Variants in ECI1 observed in about 807,000 individuals in gnomAD.
The protein encoded by ECI1 is enoyl-CoA delta isomerase 1, mitochondrial.
A neutral mutation model predicts 34.2 loss-of-function variants in ECI1; 34 were observed. That is an observed-to-expected ratio of 1.00 (90% CI 0.76 to 1.33). The LOEUF is 1.33. Among genes scored for constraint, ECI1 ranks in the 40% most tolerant of loss-of-function variants. ECI1 has a pLI of 0.00. For missense variants in ECI1, 456 were observed against 422.2 expected, an observed-to-expected ratio of 1.08 and a Z score of -0.70; for synonymous variants, 211 against 193.0, an observed-to-expected ratio of 1.09 and a Z score of -0.77.
intron 2 of ECI1, among the ~76,000 whole-genome samples, chr16:2,249,492 C>G (rs1327426928): frequency 6.6e-6 from 1 of 152,076 alleles, no homozygotes; most frequent in East Asian, 1.9e-4. Flanking sequence ...TGTACACACA[C>G]ACACACATTA....
Position 2,246,848 on chromosome 16 carries a change from C to CT in ECI1, c.294+10dup. 6.2e-7 allele frequency: 1 copy of CT among 1,612,090 alleles called. No individual in the cohort carries two copies. The highest frequency in any genetic ancestry group is 8.5e-7 in the Non-Finnish European group (1 of 1,180,004). On this transcript the variant is annotated intron_variant, in intron 3 of 6. Coordinates refer to ENST00000301729, the MANE Select transcript of ECI1 (RefSeq NM_001919.4). ...ACTCGGGCTGGGGTAGGGAGCTGAA[C>CT]TAGCACCTACCGAGGTCAGAATGAC...
chr16:2,250,292 T>G, intron 2 of ECI1, among the ~76,000 whole-genome samples: 2 of 147,582 alleles, frequency 1.4e-5, no homozygotes, highest in African/African-American at 2.5e-5. Context: ...AAAAAGTCAG[T>G]TTGAAGTTGG....
rs116828396 is a variant in ECI1 at position 2,239,525 on chromosome 16, C to T, written c.*454G>A. On this transcript the variant is annotated 3_prime_UTR_variant, in exon 7 of 7. Coordinates refer to ENST00000301729, the MANE Select transcript of ECI1 (RefSeq NM_001919.4). ...CCCCCAGTTGCTCTGATTCACTGTG[C>T]GCTCTTCATCCTGATGAGTAAGGGC... 1.4e-4 allele frequency: 34 copies of T among 245,416 alleles called. No homozygotes were observed. The highest frequency in any genetic ancestry group is 5.6e-4 in the African/African-American group (25 of 44,680). The allele number at this position is 245,416 out of a possible 1,614,324, so 15.2% of individuals were successfully genotyped here.
chr16:2,243,418 A>G lies in ECI1; in HGVS notation c.463T>C (p.Cys155Arg). Residue 155 changes from cysteine (C) to arginine (R), a missense_variant, in exon 5 of 7, where the codon TGC (cysteine) becomes CGC (arginine). Physicochemically the swap from Cys to Arg is radical, Grantham distance 180. Coordinates refer to ENST00000301729, the MANE Select transcript of ECI1 (RefSeq NM_001919.4). Reference sequence around the variant, plus strand: ...TAGTCACAGGTCAGGGCCACCAGGCAGCCTCCAGCGGGGCAGGCTCCCTGC... The same window carrying G: ...TAGTCACAGGTCAGGGCCACCAGGCGGCCTCCAGCGGGGCAGGCTCCCTGC... ...AINGACPAGGCLVALTCDYRI... is the reference protein window; with the variant it reads ...AINGACPAGGRLVALTCDYRI... 6.2e-7 allele frequency: 1 copy of G among 1,613,366 alleles called. No homozygotes were observed. The highest frequency in any genetic ancestry group is 1.1e-5 in the South Asian group (1 of 91,080).
At chr16:2,248,197 A>G (rs1279255225) in intron 2 of ECI1, among the ~76,000 whole-genome samples, 2 of 151,596 alleles carry the variant, frequency 1.3e-5, no homozygotes, top group African/African-American at 4.9e-5. Context: ...CCCGGGTTCA[A>G]GCGATTCTCC....
rs373423708 is a variant in ECI1 at position 2,244,566 on chromosome 16, C to T, written c.295-14G>A. ...ACCCGGGCGGTCCTGCAGGGGGAGC[C>T]GGGGCCACATGCCCATCAGAGTCCA... On this transcript the variant is annotated splice_polypyrimidine_tract_variant and intron_variant, in intron 3 of 6. Coordinates refer to ENST00000301729, the MANE Select transcript of ECI1 (RefSeq NM_001919.4). 1.2e-4 allele frequency: 181 copies of T among 1,572,006 alleles called. 1 individual carries two copies. Among genetic ancestry groups the T allele is most frequent in the African/African-American group, 7.7e-4 (57 of 74,118 alleles).
intron 2 of ECI1, among the ~76,000 whole-genome samples, chr16:2,250,584 C>T (rs1024274419): frequency 4.6e-5 from 7 of 152,236 alleles, no homozygotes; most frequent in African/African-American, 9.6e-5. Flanking sequence ...GGCGTGCCCT[C>T]TCGGTGCCCT....
chr16:2,240,078 G>A lies in ECI1; in HGVS notation c.810C>T (p.Arg270=), dbSNP rs761595549. The A allele has an allele frequency of 1.7e-5, 28 of 1,613,896 alleles. No individual in the cohort carries two copies. Among genetic ancestry groups the A allele is most frequent in the East Asian group, 2.2e-5 (1 of 44,894 alleles). The change falls in exon 7 of 7, where the codon CGC becomes CGT. Residue 270 remains arginine (R), a synonymous_variant. Coordinates refer to ENST00000301729, the MANE Select transcript of ECI1 (RefSeq NM_001919.4). ...TGACGAAGTTCTGCACGTCCGCATC[G>A]CGCTGCGTGACCAGGCGGCTGGCCG... ...KATASRLVTQ[R]DADVQNFVSF...
chr16:2,245,672 C>G (rs2093538701), intron 3 of ECI1, among the ~76,000 whole-genome samples: 1 of 152,078 alleles, frequency 6.6e-6, no homozygotes, highest in South Asian at 2.1e-4. Flanking sequence ...TCAAGACCAG[C>G]CTGGGCAACA....
chr16:2,247,391 G>A (rs2093542898), intron 2 of ECI1, among the ~76,000 whole-genome samples: 1 of 151,960 alleles, frequency 6.6e-6, no homozygotes, highest in Admixed American at 6.6e-5. Context: ...CCCCGCGCCT[G>A]GTCCTATTTT....
At position 2,240,042 on chromosome 16, in the gene ECI1, G is replaced by GGA. The variant is rs771222827; in HGVS notation, c.844_845dup (p.Lys283ProfsTer13). 6.2e-7 allele frequency: 1 copy of GGA among 1,614,016 alleles called. No individual in the cohort carries two copies. On this transcript the variant is annotated frameshift_variant, in exon 7 of 7. Coordinates refer to ENST00000301729, the MANE Select transcript of ECI1 (RefSeq NM_001919.4). LOFTEE classifies it high-confidence loss of function. Reference sequence around the variant, plus strand: ...GCAGGGACTTCTGGATGGAGTCTTTGGAGATGAAGCTGACGAAGTTCTGCA... The same window carrying GGA: ...GCAGGGACTTCTGGATGGAGTCTTTGGAGAGATGAAGCTGACGAAGTTCTGCA...
At chr16:2,246,444 G>A (rs574945727) in intron 3 of ECI1, among the ~76,000 whole-genome samples, 13 of 152,244 alleles carry the variant, frequency 8.5e-5, no homozygotes, top group Non-Finnish European at 1.0e-4. Flanking sequence ...TCCCTCACTC[G>A]CTGCCCACAG....
chr16:2,250,423 T>C (rs2093550654), intron 2 of ECI1, among the ~76,000 whole-genome samples: 1 of 152,102 alleles, frequency 6.6e-6, no homozygotes, highest in African/African-American at 2.4e-5. Context: ...TGTGCAAAGT[T>C]GGGCACAGCC....
Position 2,241,374 on chromosome 16 carries a change from C to T in ECI1, c.743-1229G>A, listed in dbSNP as rs540750454. 2.0e-5 allele frequency among the ~76,000 whole-genome samples: 3 copies of T among 152,072 alleles called. No homozygotes were observed. In the East Asian group the frequency reaches 5.8e-4, roughly 30 times the overall value. ...GCAGTAGCATGATCTTGGCTCACTG[C>T]AACCTCCGCCTCCCAGGTTCAAGTG... On this transcript the variant is annotated intron_variant, in intron 6 of 6. Coordinates refer to ENST00000301729, the MANE Select transcript of ECI1 (RefSeq NM_001919.4).
At chr16:2,247,059 A>G in intron 2 of ECI1, 73 bp from the exon 3 acceptor site, 1 of 1,555,680 alleles carries the variant, frequency 6.4e-7, no homozygotes, top group Non-Finnish European at 8.8e-7. Context: ...TGCACCCTCA[A>G]CTAAGCCATG....
intron 6 of ECI1, among the ~76,000 whole-genome samples, chr16:2,241,455 C>A (rs1293605242): frequency 2.6e-5 from 4 of 151,950 alleles, no homozygotes; most frequent in Non-Finnish European, 5.9e-5. Context: ...TGCCCCCACA[C>A]CCGGCTAATT....
chr16:2,251,377 G>C lies in ECI1; in HGVS notation c.105C>G (p.Gly35=). The change falls in exon 2 of 7, where the codon GGC becomes GGG. Residue 35 remains glycine (G), a synonymous_variant. Coordinates refer to ENST00000301729, the MANE Select transcript of ECI1 (RefSeq NM_001919.4). The stretch of plus-strand genomic sequence containing the variant: ...TCCCGAAGCGCCGCGCGCCGTCTCC[G>C]CCGCCGGCCGCCCGCTCCGTCCGCC... ...ALGRTERAAG[G]GDGARRFGSQ... 1 of 1,249,414 alleles carries C rather than the reference G, an allele frequency of 8.0e-7. No homozygotes were observed. 77.4% of individuals were successfully genotyped at this position (1,249,414 alleles called of 1,614,324 possible). A position where few individuals can be genotyped will look rare whatever the true frequency, so the allele number is the denominator to read the frequency against.
At chr16:2,250,356 CCAGA>C (rs1215325927) in intron 2 of ECI1, among the ~76,000 whole-genome samples, 42 of 152,046 alleles carry the variant, frequency 2.8e-4, no homozygotes, top group African/African-American at 9.7e-4. Context: ...CTCCCTCAGC[CCAGA>C]CAGAGAGGAC....
chr16:2,246,285 C>T (rs549809551), intron 3 of ECI1, among the ~76,000 whole-genome samples: 1 of 152,332 alleles, frequency 6.6e-6, no homozygotes, highest in Non-Finnish European at 1.5e-5. Flanking sequence ...GAGAACTCGC[C>T]CTGAAGACTG....
Sources: allele counts gnomAD v4.1 joint callset (sites outside exome capture counted in the v4.1 genomes callset), GRCh38; gene constraint gnomAD v4.1.1; transcripts MANE v1.5; gene names NCBI Gene and HGNC (gene_info 2026-07-23, HGNC 2026-07-21).